SHISA6: variants seen among roughly 807,000 people sequenced by gnomAD.
SHISA6 encodes shisa family member 6.
In SHISA6, 22 loss-of-function variants were observed where a neutral mutation model predicts 47.9. That is an observed-to-expected ratio of 0.46 (90% CI 0.33 to 0.66). The LOEUF (loss-of-function observed/expected upper bound fraction) is 0.66, where lower values mean the gene tolerates loss of function less well. Ranked by LOEUF, SHISA6 falls within the 30% of genes least tolerant of loss-of-function variation. The pLI is 0.02. For missense variants in SHISA6, 680 were observed against 764.6 expected (o/e 0.89, Z 1.30); for synonymous variants, 388 against 337.8 (o/e 1.15, Z -1.63).
intron 1 of SHISA6, among the ~76,000 whole-genome samples, chr17:11,249,526 T>A (rs1158865468): frequency 6.6e-6 from 1 of 152,104 alleles, no homozygotes; most frequent in Non-Finnish European, 1.5e-5. Context: ...GGCATGCAGT[T>A]TGGGGGTTTT....
intron 3 of SHISA6, among the ~76,000 whole-genome samples, chr17:11,460,281 C>T (rs1049296679): frequency 1.3e-5 from 2 of 152,100 alleles, no homozygotes; most frequent in Admixed American, 6.5e-5. Context: ...GGCTAGGCGC[C>T]GGGATGGTCT....
rs973732956 is a variant in SHISA6 at position 11,241,565 on chromosome 17, G to C, written c.143G>C (p.Gly48Ala). 1.5e-5 allele frequency: 16 copies of C among 1,096,658 alleles called. No homozygotes were observed. The highest frequency in any genetic ancestry group is 1.3e-5 in the Non-Finnish European group (12 of 903,986). The allele number at this position is 1,096,658 out of a possible 1,614,324, so 67.9% of individuals were successfully genotyped here. Residue 48 changes from glycine to alanine, a missense_variant, in exon 1 of 6, where the codon GGG (glycine) becomes GCG (alanine). Around this residue, in one of 2 missense-constraint regions of SHISA6, gnomAD observed 121 missense variants for 90.5 expected, o/e 1.34. Coordinates refer to ENST00000441885, the MANE Select transcript of SHISA6 (RefSeq NM_207386.4). The surrounding 1 kb of genome is among the most constrained non-coding windows in gnomAD (Gnocchi z 5.5). ...GGAAVGGRRA[G>A]GALARGGREL... ...GCTGCCGTCGGGGGCCGGAGGGCCG[G>C]GGGCGCCCTGGCACGGGGCGGCCGC... is the stretch of plus-strand genomic sequence containing the variant.
At chr17:11,477,688 C>T (rs1392937113) in intron 3 of SHISA6, among the ~76,000 whole-genome samples, 14 of 147,224 alleles carry the variant, frequency 9.5e-5, no homozygotes, top group East Asian at 2.0e-4. Flanking sequence ...TTTGTTCTTG[C>T]GATAGTTTAC....
At chr17:11,555,605 C>A in intron 4 of SHISA6, 135 bp from the exon 5 acceptor site, 1 of 1,026,036 alleles carries the variant, frequency 9.7e-7, no homozygotes, top group Non-Finnish European at 1.3e-6. Context: ...GAAACTGAGT[C>A]AATAGTATCA....
intron 3 of SHISA6, among the ~76,000 whole-genome samples, chr17:11,448,523 C>T (rs996073535): frequency 1.3e-5 from 2 of 151,898 alleles, no homozygotes; most frequent in Non-Finnish European, 2.9e-5. Context: ...CAGAGTAACA[C>T]CCTGCCTCTG....
chr17:11,419,989 A>T (rs556308681), intron 3 of SHISA6, among the ~76,000 whole-genome samples: 7 of 152,198 alleles, frequency 4.6e-5, no homozygotes, highest in Admixed American at 3.9e-4. Flanking sequence ...GGATGGGCTG[A>T]GGTCAGGAGT....
chr17:11,460,852 A>G (rs1177782685), intron 3 of SHISA6, among the ~76,000 whole-genome samples: 1 of 152,220 alleles, frequency 6.6e-6, no homozygotes, highest in Non-Finnish European at 1.5e-5. Flanking sequence ...AGCTGAGCCT[A>G]CAGAGAATGG....
At chr17:11,474,420 T>C (rs548289144) in intron 3 of SHISA6, among the ~76,000 whole-genome samples, 9,661 of 141,632 alleles carry the variant, frequency 0.068, 381 homozygotes, top group Non-Finnish European at 0.092. Flanking sequence ...TTTTTTTTTT[T>C]CTTGTAAATT....
chr17:11,454,912 A>G (rs143079609), intron 3 of SHISA6, among the ~76,000 whole-genome samples: 10 of 152,238 alleles, frequency 6.6e-5, no homozygotes, highest in Non-Finnish European at 1.3e-4. Context: ...GCTCATGCCT[A>G]TAATCTCAGC....
At chr17:11,402,693 C>T (rs191646566) in intron 3 of SHISA6, among the ~76,000 whole-genome samples, 121 of 152,286 alleles carry the variant, frequency 7.9e-4, no homozygotes, top group African/African-American at 2.9e-3. Context: ...CATGGACCTG[C>T]CAAGTTTCAA....
At chr17:11,375,657 G>C (rs57255446) in intron 2 of SHISA6, among the ~76,000 whole-genome samples, 3,729 of 152,172 alleles carry the variant, frequency 0.025, 140 homozygotes, top group African/African-American at 0.084. Flanking sequence ...CCCAGCCATG[G>C]TCCTCTCTTT....
chr17:11,491,054 G>A (rs1207551740), intron 3 of SHISA6, among the ~76,000 whole-genome samples: 1 of 152,182 alleles, frequency 6.6e-6, no homozygotes, highest in East Asian at 1.9e-4. Flanking sequence ...TTCCTTTGGA[G>A]CCCCTTCAGC....
intron 3 of SHISA6, among the ~76,000 whole-genome samples, chr17:11,404,744 A>C (rs1333167206): frequency 6.6e-6 from 1 of 152,198 alleles, no homozygotes; most frequent in African/African-American, 2.4e-5. Flanking sequence ...CCGCGCCTTG[A>C]CTTTCCTTCC....
At position 11,563,411 on chromosome 17, in the gene SHISA6, G is replaced by A. The variant is rs1030949983; in HGVS notation, c.*5107G>A. 1 of 152,212 alleles carries A rather than the reference G, an allele frequency of 6.6e-6. No homozygotes were observed. The highest frequency in any genetic ancestry group is 2.4e-5 in the African/African-American group (1 of 41,452). 9.4% of individuals were successfully genotyped at this position (152,212 alleles called of 1,614,324 possible). ...CGTCCTCCCGGTGAAGGCTTGTGAAGCAAGAATGGAGAGTCCAAGTTTGTG... is the reference window on the plus strand; with the variant it reads ...CGTCCTCCCGGTGAAGGCTTGTGAAACAAGAATGGAGAGTCCAAGTTTGTG... On this transcript the variant is annotated 3_prime_UTR_variant, in exon 6 of 6. Coordinates refer to ENST00000441885, the MANE Select transcript of SHISA6 (RefSeq NM_207386.4).
At chr17:11,420,624 G>A (rs982499569) in intron 3 of SHISA6, among the ~76,000 whole-genome samples, 1 of 152,178 alleles carries the variant, frequency 6.6e-6, no homozygotes, top group African/African-American at 2.4e-5. Context: ...GGTCAGAACT[G>A]AATCTGTAAC....
rs1433300265 is a variant in SHISA6, at chr17:11,557,951, A to C, written c.1303A>C (p.Met435Leu). 1.9e-6 allele frequency: 3 copies of C among 1,551,544 alleles called. No homozygotes were observed. Among genetic ancestry groups the C allele is most frequent in the Non-Finnish European group, 2.6e-6 (3 of 1,146,946 alleles). Residue 435 changes from methionine (M) to leucine (L), a missense_variant, in exon 6 of 6, where the codon ATG becomes CTG. Physicochemically the swap from Met to Leu is conservative, Grantham distance 15. Around this residue, in one of 2 missense-constraint regions of SHISA6, gnomAD observed 559 missense variants for 674.1 expected, o/e 0.83. Transcript: ENST00000441885. The part of the protein sequence containing the change: ...PDRGLPDEFS[M>L]PYDRILSDEQ... ...TCGGGGCCTGCCAGATGAGTTCAGC[A>C]TGCCCTACGACCGCATCCTGTCCGA...
chr17:11,539,403 C>T (rs2071814888), intron 3 of SHISA6, among the ~76,000 whole-genome samples: 1 of 152,248 alleles, frequency 6.6e-6, no homozygotes, highest in Admixed American at 6.5e-5. Flanking sequence ...CACCAAATCA[C>T]CCTTCCTCTG....
chr17:11,552,081 C>T, intron 4 of SHISA6, 129 bp downstream of exon 4: 2 of 944,116 alleles, frequency 2.1e-6, no homozygotes, highest in Admixed American at 2.3e-5. Context: ...TCCAAGGAGC[C>T]ACAGGCTCGC....
intron 3 of SHISA6, among the ~76,000 whole-genome samples, chr17:11,435,101 T>G (rs1487577774): frequency 6.8e-6 from 1 of 146,016 alleles, no homozygotes. Flanking sequence ...TGAGAGCTTA[T>G]GAGTGTGGTC....
Sources: gnomAD v4.1 joint callset for allele counts (sites outside exome capture counted in the v4.1 genomes callset) on GRCh38, gnomAD v4.1.1 for gene constraint, gnomAD v4.1.1 regional missense constraint, Gnocchi (gnomAD v3.1) non-coding constraint, MANE v1.5 for transcripts, NCBI Gene and HGNC (gene_info 2026-07-23, HGNC 2026-07-21) for gene names.